Variants in TMEFF2 observed in about 807,000 individuals in gnomAD.
TMEFF2 encodes the protein tomoregulin-2.
A neutral mutation model predicts 53.8 loss-of-function variants in TMEFF2; 28 were observed. The observed-to-expected ratio is 0.52, with a 90% CI of 0.39 to 0.71. The LOEUF (loss-of-function observed/expected upper bound fraction) is 0.71, where lower values mean the gene tolerates loss of function less well. TMEFF2 is among the 30% of genes least tolerant of loss of function. TMEFF2 has a pLI of 0.00. For missense variants in TMEFF2, 353 were observed against 455.2 expected (o/e 0.78, Z 2.04); for synonymous variants, 162 against 166.3 (o/e 0.97, Z 0.20).
chr2:192,093,670 A>G (rs983056425), intron 4 of TMEFF2, among the ~76,000 whole-genome samples: 2 of 152,120 alleles, frequency 1.3e-5, no homozygotes, highest in East Asian at 1.9e-4. Context: ...AGAAAATTGT[A>G]TCATCTGATA....
chr2:192,027,563 G>A (rs1226023201), intron 5 of TMEFF2, among the ~76,000 whole-genome samples: 1 of 152,180 alleles, frequency 6.6e-6, no homozygotes, highest in Admixed American at 6.5e-5. Flanking sequence ...CAAGGGTCTT[G>A]CCTCCTGGTA....
At chr2:192,170,672 T>C (rs193222272) in intron 4 of TMEFF2, among the ~76,000 whole-genome samples, 14 of 152,132 alleles carry the variant, frequency 9.2e-5, no homozygotes, top group Middle Eastern at 3.4e-3. Context: ...ATCTGCAGAA[T>C]AGGTTTGTGG....
At chr2:192,160,413 T>C (rs1690605163) in intron 4 of TMEFF2, among the ~76,000 whole-genome samples, 1 of 152,124 alleles carries the variant, frequency 6.6e-6, no homozygotes, top group African/African-American at 2.4e-5. Context: ...TAAGCTCTAT[T>C]AGAAAATTTG....
intron 4 of TMEFF2, among the ~76,000 whole-genome samples, chr2:192,068,664 A>G (rs1363373904): frequency 6.6e-6 from 1 of 151,850 alleles, no homozygotes; most frequent in East Asian, 1.9e-4. Context: ...AAAACAAAAT[A>G]AGGGCTTTAT....
intron 3 of TMEFF2, among the ~76,000 whole-genome samples, chr2:192,180,172 T>C (rs928904241): frequency 1.3e-5 from 2 of 151,682 alleles, no homozygotes; most frequent in African/African-American, 4.8e-5. Context: ...TGGGTGTTGA[T>C]ATGTTTTACG....
At chr2:192,138,496 G>T (rs1690063566) in intron 4 of TMEFF2, among the ~76,000 whole-genome samples, 1 of 152,166 alleles carries the variant, frequency 6.6e-6, no homozygotes, top group African/African-American at 2.4e-5. Flanking sequence ...CATAGGTCCG[G>T]TCTGAGGCCC....
chr2:192,162,295 C>T (rs1162271307), intron 4 of TMEFF2, among the ~76,000 whole-genome samples: 1 of 152,114 alleles, frequency 6.6e-6, no homozygotes, highest in Non-Finnish European at 1.5e-5. Flanking sequence ...GGTGAGTGTG[C>T]TGTGTCTGTT....
At chr2:192,019,133 G>T (rs1218394398) in intron 5 of TMEFF2, among the ~76,000 whole-genome samples, 1 of 151,792 alleles carries the variant, frequency 6.6e-6, no homozygotes, top group African/African-American at 2.4e-5. Context: ...TGCCACTATC[G>T]CAATATATTA....
At chr2:192,188,078 AT>A (rs936040414) in intron 2 of TMEFF2, among the ~76,000 whole-genome samples, 52 of 152,206 alleles carry the variant, frequency 3.4e-4, no homozygotes, top group African/African-American at 1.2e-3. Flanking sequence ...GATATGGTAT[AT>A]TTTTCTTCCA....
In TMEFF2 at chr2:192,164,690, C is replaced by T. The variant is rs549689709; in HGVS notation, c.439+14978G>A. ...TTGCAGTGAGCCAAGATCATGCCAC[C>T]GCACTCCAGCCTGGTGACATAGCGA... is the stretch of plus-strand genomic sequence containing the variant. On this transcript the variant is annotated intron_variant, in intron 4 of 9. Transcript: ENST00000272771. Among the ~76,000 whole-genome samples, 279 of 150,930 alleles carry T rather than the reference C, an allele frequency of 1.8e-3. 1 individual carries two copies. Among genetic ancestry groups the T allele is most frequent in the African/African-American group, 5.6e-3 (231 of 41,044 alleles).
chr2:192,001,863 G>A (rs1028198169), intron 5 of TMEFF2, among the ~76,000 whole-genome samples: 1 of 152,102 alleles, frequency 6.6e-6, no homozygotes. Context: ...GTCTTTATCA[G>A]TAGGGTGAAA....
chr2:192,005,700 G>A (rs1452124564), intron 5 of TMEFF2, among the ~76,000 whole-genome samples: 1 of 152,062 alleles, frequency 6.6e-6, no homozygotes, highest in Non-Finnish European at 1.5e-5. Flanking sequence ...ACCCTCTCTG[G>A]CCTGGCCAGT....
chr2:192,179,624 T>C, intron 4 of TMEFF2, 44 bp downstream of exon 4: 6 of 1,537,914 alleles, frequency 3.9e-6, no homozygotes, highest in Non-Finnish European at 4.4e-6. Flanking sequence ...TACATAATAA[T>C]ATCCACCAGT....
chr2:191,950,522 A>G, intron 9 of TMEFF2, 115 bp from the exon 10 acceptor site: 7 of 1,395,482 alleles, frequency 5.0e-6, no homozygotes, highest in Non-Finnish European at 7.1e-6. Flanking sequence ...TTCAGATGAA[A>G]GAATTTATCA....
intron 5 of TMEFF2, among the ~76,000 whole-genome samples, chr2:192,056,006 T>G (rs536774929): frequency 2.0e-5 from 3 of 152,176 alleles, no homozygotes; most frequent in Non-Finnish European, 4.4e-5. Flanking sequence ...TACTTGTAAG[T>G]ACGTAGTTTA....
chr2:192,074,835 T>C lies in TMEFF2; in HGVS notation c.440-17060A>G, dbSNP rs549764016. Among the ~76,000 whole-genome samples, 6 of 152,066 alleles carry C rather than the reference T, an allele frequency of 3.9e-5. No individual in the cohort carries two copies. The East Asian group carries it at 9.7e-4, about 25-fold the overall frequency. ...CCAATTCAGGGCTTTTTAGAGCCTT[T>C]CAGACTTCCAAATTTTATAAAATAA... On this transcript the variant is annotated intron_variant, in intron 4 of 9. Coordinates refer to ENST00000272771, the MANE Select transcript of TMEFF2 (RefSeq NM_016192.4).
At chr2:192,069,973 T>C (rs1476731538) in intron 4 of TMEFF2, among the ~76,000 whole-genome samples, 2 of 11,812 alleles carry the variant, frequency 1.7e-4, no homozygotes, top group African/African-American at 5.3e-4. Flanking sequence ...AATGTGTGTG[T>C]GTGTGTGTGT....
At chr2:192,131,605 C>A (rs1029131884) in intron 4 of TMEFF2, among the ~76,000 whole-genome samples, 1 of 152,040 alleles carries the variant, frequency 6.6e-6, no homozygotes, top group Non-Finnish European at 1.5e-5. Flanking sequence ...CGTGCCCCAA[C>A]ACTTTCTCTG....
At chr2:192,183,420 GAATA>G (rs1691234168) in intron 3 of TMEFF2, among the ~76,000 whole-genome samples, 1 of 151,948 alleles carries the variant, frequency 6.6e-6, no homozygotes, top group African/African-American at 2.4e-5. Context: ...AGGGACTTTT[GAATA>G]AATAGACTTT....
Sources: allele counts gnomAD v4.1 joint callset (sites outside exome capture counted in the v4.1 genomes callset), GRCh38; gene constraint gnomAD v4.1.1; transcripts MANE v1.5; gene names NCBI Gene and HGNC (gene_info 2026-07-23, HGNC 2026-07-21).